CD109: variants seen among roughly 807,000 people sequenced by gnomAD.
CD109 encodes the protein CD109 antigen.
Under a neutral mutation model 165.8 loss-of-function variants are expected in CD109, and 149 were observed. The ratio of observed to expected loss-of-function variants is 0.90; its 90% CI spans 0.79 to 1.03. The LOEUF (loss-of-function observed/expected upper bound fraction) is 1.03. Ranked by LOEUF, CD109 falls within the 50% of genes least tolerant of loss-of-function variation. CD109 has a pLI of 0.00. For missense variants in CD109, 1,712 were observed against 1,677.8 expected (o/e 1.02, Z -0.36); for synonymous variants, 585 against 592.1 (o/e 0.99, Z 0.18).
chr6:73,806,907 T>C lies in CD109; in HGVS notation c.3024T>C (p.Asn1008=). The C allele has an allele frequency of 6.2e-7, 1 of 1,613,992 alleles. No homozygotes were observed. Among genetic ancestry groups the C allele is most frequent in the Non-Finnish European group, 8.5e-7 (1 of 1,179,958 alleles). ...ATCCTTACATAGATATTGATCAGAA[T>C]GTGTTACACAGAACATACACTTGGC... ...EADPYIDIDQ[N]VLHRTYTWLK... Residue 1008 remains asparagine (N), a synonymous_variant, in exon 25 of 33, where the codon AAT becomes AAC. Transcript: ENST00000287097.
At chr6:73,769,867 G>A (rs1400979071) in intron 14 of CD109, among the ~76,000 whole-genome samples, 1 of 152,168 alleles carries the variant, frequency 6.6e-6, no homozygotes, top group Non-Finnish European at 1.5e-5. Context: ...ACATACAGTG[G>A]TTTGAGAGGC....
At chr6:73,691,317 G>A (rs1770686488), upstream of CD109, among the ~76,000 whole-genome samples, 1 of 152,188 alleles carries the variant, frequency 6.6e-6, no homozygotes, top group Non-Finnish European at 1.5e-5. Flanking sequence ...TGGTGTTATG[G>A]ACAGAGCAGA....
Position 73,808,079 on chromosome 6 carries a change from C to G in CD109, c.3190-4C>G. ...AGTAAAAAACATACTTTTTTTCTTC[C>G]AAGCCTAACATTGATGTGCAAGAGT... On this transcript the variant is annotated splice_polypyrimidine_tract_variant and splice_region_variant and intron_variant, in intron 25 of 32. Coordinates refer to ENST00000287097, the MANE Select transcript of CD109 (RefSeq NM_133493.5). 6.2e-7 allele frequency: 1 copy of G among 1,608,202 alleles called. No homozygotes were observed. The highest frequency in any genetic ancestry group is 1.3e-5 in the African/African-American group (1 of 74,508).
intron 31 of CD109, among the ~76,000 whole-genome samples, chr6:73,819,978 C>T (rs1776055477): frequency 6.6e-6 from 1 of 152,152 alleles, no homozygotes; most frequent in African/African-American, 2.4e-5. Context: ...CCAAATTGGC[C>T]AAATCTGTCT....
intron 2 of CD109, among the ~76,000 whole-genome samples, chr6:73,706,316 G>A (rs952549178): frequency 6.6e-6 from 1 of 152,092 alleles, no homozygotes; most frequent in African/African-American, 2.4e-5. Flanking sequence ...CTGGGTCACC[G>A]CTGGATTGTA....
intron 5 of CD109, among the ~76,000 whole-genome samples, chr6:73,741,254 G>C (rs943939429): frequency 6.6e-6 from 1 of 152,162 alleles, no homozygotes; most frequent in African/African-American, 2.4e-5. Flanking sequence ...ACATATTCTA[G>C]TGTGAATAGT....
At chr6:73,782,542 T>A (rs1044949689) in intron 17 of CD109, 72 bp from the exon 18 acceptor site, 4 of 1,422,788 alleles carry the variant, frequency 2.8e-6, no homozygotes, top group Admixed American at 1.8e-5. Context: ...TGACATTCAT[T>A]TTGTATGTGG....
Position 73,789,285 on chromosome 6 carries a change from T to A in CD109, c.2701+673T>A, listed in dbSNP as rs537222280. Among the ~76,000 whole-genome samples, 5 of 152,328 alleles carry A rather than the reference T, an allele frequency of 3.3e-5. No individual in the cohort carries two copies. The South Asian group carries it at 1.0e-3, about 32-fold the overall frequency. On this transcript the variant is annotated intron_variant, in intron 22 of 32. Transcript: ENST00000287097. ...CTAGTTACTTTCCATAACATAATAG[T>A]ACTTTTCAAAAATTGGCAATTTATA...
chr6:73,803,995 A>G (rs1207163838), intron 24 of CD109: 2 of 152,292 alleles, frequency 1.3e-5, no homozygotes, highest in African/African-American at 2.4e-5. Flanking sequence ...CAACGTGTCC[A>G]CGTCTCCAAA....
intron 2 of CD109, among the ~76,000 whole-genome samples, chr6:73,721,916 A>G (rs1307444504): frequency 6.6e-6 from 1 of 151,764 alleles, no homozygotes; most frequent in Non-Finnish European, 1.5e-5. Context: ...TGTAGTTTTT[A>G]GTGGAGATGG....
intron 31 of CD109, among the ~76,000 whole-genome samples, chr6:73,819,434 A>G (rs769793864): frequency 2.0e-5 from 3 of 152,170 alleles, no homozygotes; most frequent in Non-Finnish European, 2.9e-5. Flanking sequence ...TTCTTTTCTT[A>G]TAGCATCTAT....
At chr6:73,759,895 ATT>A (rs796873614) in intron 7 of CD109, among the ~76,000 whole-genome samples, 58 of 142,352 alleles carry the variant, frequency 4.1e-4, no homozygotes, top group African/African-American at 1.5e-3. Context: ...TTGAACTTGG[ATT>A]TTTTTTTTTT....
chr6:73,758,688 C>T (rs1773496022), intron 6 of CD109, among the ~76,000 whole-genome samples: 1 of 152,020 alleles, frequency 6.6e-6, no homozygotes, highest in African/African-American at 2.4e-5. Flanking sequence ...CAGCCTCATA[C>T]CTTAATTATA....
chr6:73,757,211 A>G (rs976569326), intron 6 of CD109, among the ~76,000 whole-genome samples: 3 of 152,146 alleles, frequency 2.0e-5, no homozygotes, highest in Non-Finnish European at 2.9e-5. Context: ...TTGAATAGTT[A>G]TTTTGAGGTT....
chr6:73,820,623 T>C (rs1776075595), intron 32 of CD109, 60 bp downstream of exon 32: 3 of 1,031,330 alleles, frequency 2.9e-6, no homozygotes, highest in Middle Eastern at 2.1e-4. Flanking sequence ...CATTCATTTA[T>C]TGGAAGTGAC....
rs1274936650 is a variant in CD109, at chr6:73,710,057, C to G, written c.247+12485C>G. 2.2e-4 allele frequency among the ~76,000 whole-genome samples: 34 copies of G among 152,198 alleles called. 1 individual carries two copies. Among genetic ancestry groups the G allele is most frequent in the Admixed American group, 2.2e-3 (34 of 15,280 alleles). On this transcript the variant is annotated intron_variant, in intron 2 of 32. Transcript: ENST00000287097. ...AAGACAGGGATGTCCTCTCTCACCA[C>G]TCCTATTCAACATAGTGTTGGAGGT...
chr6:73,798,862 G>T (rs1390898756), intron 23 of CD109, among the ~76,000 whole-genome samples: 1 of 152,138 alleles, frequency 6.6e-6, no homozygotes, highest in Non-Finnish European at 1.5e-5. Flanking sequence ...TGATCTGGGG[G>T]TGTGGAGGCA....
intron 23 of CD109, 80 bp downstream of exon 23, chr6:73,792,882 C>G (rs1775026225): frequency 1.9e-6 from 2 of 1,057,968 alleles, no homozygotes; most frequent in Non-Finnish European, 2.7e-6. Context: ...GACCATATTT[C>G]AAAATAGATG....
intron 4 of CD109, 42 bp downstream of exon 4, chr6:73,730,616 T>A: frequency 7.8e-7 from 1 of 1,287,538 alleles, no homozygotes; most frequent in Non-Finnish European, 1.1e-6. Context: ...TCTAGCCATC[T>A]TACTAAACCC....
Sources: allele counts gnomAD v4.1 joint callset (sites outside exome capture counted in the v4.1 genomes callset), GRCh38; gene constraint gnomAD v4.1.1; transcripts MANE v1.5; gene names NCBI Gene and HGNC (gene_info 2026-07-23, HGNC 2026-07-21).